NDUFAF2: variants seen among roughly 807,000 people sequenced by gnomAD.
NDUFAF2 encodes NADH:ubiquinone oxidoreductase complex assembly factor 2, also known as NADH dehydrogenase [ubiquinone] 1 alpha subcomplex assembly factor 2.
NDUFAF2 carries 13 observed loss-of-function variants against 22.8 expected under a neutral mutation model. The ratio of observed to expected loss-of-function variants is 0.57; its 90% CI spans 0.37 to 0.91. The LOEUF is 0.91. Among genes scored for constraint, NDUFAF2 ranks in the 40% least tolerant of loss-of-function variants. The probability of loss-of-function intolerance (pLI) is 0.01; values close to 1 mark genes in which losing one functional copy is unlikely to be tolerated. For missense variants in NDUFAF2, 162 were observed against 195.2 expected, an observed-to-expected ratio of 0.83 and a Z score of 1.01; for synonymous variants, 53 against 64.2, an observed-to-expected ratio of 0.83 and a Z score of 0.84.
chr5:60,948,023 A>C (rs1467239344), intron 1 of NDUFAF2, among the ~76,000 whole-genome samples: 4 of 152,080 alleles, frequency 2.6e-5, no homozygotes, highest in Non-Finnish European at 1.5e-5. Context: ...TAAAATGTAT[A>C]ATTTGGTAAG....
intron 1 of NDUFAF2, among the ~76,000 whole-genome samples, chr5:60,965,150 G>C (rs1210456458): frequency 6.6e-6 from 1 of 152,098 alleles, no homozygotes; most frequent in African/African-American, 2.4e-5. Flanking sequence ...AGATACAGAA[G>C]ACAGAAAAAT....
intron 3 of NDUFAF2, among the ~76,000 whole-genome samples, chr5:61,114,082 G>A (rs1579837977): frequency 1.3e-5 from 2 of 152,052 alleles, no homozygotes; most frequent in African/African-American, 4.8e-5. Flanking sequence ...TTGGGCTTGG[G>A]AAGTTCCTTG....
chr5:61,058,217 A>T (rs1382583700), intron 1 of NDUFAF2, among the ~76,000 whole-genome samples: 1 of 152,050 alleles, frequency 6.6e-6, no homozygotes, highest in Non-Finnish European at 1.5e-5. Context: ...CTTTTCACAT[A>T]CTATAATTTT....
Position 61,106,687 on chromosome 5 carries a change from CT to C in NDUFAF2, c.258+7656del, listed in dbSNP as rs753766676. 3.2e-3 allele frequency among the ~76,000 whole-genome samples: 479 copies of C among 151,056 alleles called. 6 individuals carry two copies. The highest frequency in any genetic ancestry group is 3.9e-3 in the Non-Finnish European group (263 of 67,938). On this transcript the variant is annotated intron_variant, in intron 3 of 3. Coordinates refer to ENST00000296597, the MANE Select transcript of NDUFAF2 (RefSeq NM_174889.5). ...TGCCCATTAACCATTCCCACCCCCC[CT>C]AACACCCAGACTACCCTTCCCAGCC... is the stretch of plus-strand genomic sequence containing the variant.
chr5:60,971,340 T>C (rs900568646), intron 1 of NDUFAF2, among the ~76,000 whole-genome samples: 1 of 151,316 alleles, frequency 6.6e-6, no homozygotes, highest in African/African-American at 2.4e-5. Flanking sequence ...CAGGCTGGAG[T>C]GCAGTGGCTG....
At chr5:61,055,407 C>T (rs1752075223) in intron 1 of NDUFAF2, among the ~76,000 whole-genome samples, 1 of 152,042 alleles carries the variant, frequency 6.6e-6, no homozygotes, top group Non-Finnish European at 1.5e-5. Flanking sequence ...GGTAAAGTAA[C>T]TCTACAGGTT....
At chr5:61,070,594 C>T (rs1273488234) in intron 1 of NDUFAF2, among the ~76,000 whole-genome samples, 2 of 92,096 alleles carry the variant, frequency 2.2e-5, no homozygotes, top group Non-Finnish European at 4.3e-5. Context: ...CCTGTCTTTG[C>T]ATACACACAC....
chr5:61,047,622 C>T (rs970100871), intron 1 of NDUFAF2, among the ~76,000 whole-genome samples: 1 of 152,098 alleles, frequency 6.6e-6, no homozygotes, highest in South Asian at 2.1e-4. Context: ...CATCCATTAT[C>T]TTCTTTCTGA....
At chr5:61,109,836 C>G (rs763370310) in intron 3 of NDUFAF2, among the ~76,000 whole-genome samples, 1 of 152,108 alleles carries the variant, frequency 6.6e-6, no homozygotes. Context: ...CCTCCCCAGC[C>G]GTGCAGAACT....
At chr5:60,989,978 G>A (rs112933561) in intron 1 of NDUFAF2, among the ~76,000 whole-genome samples, 2,402 of 152,184 alleles carry the variant, frequency 0.016, 76 homozygotes, top group African/African-American at 0.055. Context: ...CCATAAAAAA[G>A]AATGAGATCC....
intron 2 of NDUFAF2, among the ~76,000 whole-genome samples, chr5:61,086,866 C>T (rs1391139369): frequency 6.6e-6 from 1 of 152,068 alleles, no homozygotes; most frequent in Non-Finnish European, 1.5e-5. Flanking sequence ...ATTTGCCATA[C>T]ATGTCTAACA....
At chr5:61,032,623 T>C (rs1751743030) in intron 1 of NDUFAF2, among the ~76,000 whole-genome samples, 1 of 152,236 alleles carries the variant, frequency 6.6e-6, no homozygotes, top group Non-Finnish European at 1.5e-5. Context: ...TTTTGGTTAC[T>C]GTAGCCTTGT....
At chr5:61,057,280 A>G (rs73097727) in intron 1 of NDUFAF2, among the ~76,000 whole-genome samples, 1 of 152,292 alleles carries the variant, frequency 6.6e-6, no homozygotes, top group African/African-American at 2.4e-5. Context: ...GCTTTAAATC[A>G]TAGATTCACA....
intron 1 of NDUFAF2, among the ~76,000 whole-genome samples, chr5:60,984,949 GA>G (rs1379614255): frequency 2.6e-5 from 4 of 152,162 alleles, no homozygotes; most frequent in Non-Finnish European, 5.9e-5. Context: ...CTATTGATTG[GA>G]ATAGTTTCAG....
chr5:60,974,998 G>A (rs915715914), intron 1 of NDUFAF2, among the ~76,000 whole-genome samples: 4 of 151,364 alleles, frequency 2.6e-5, no homozygotes, highest in Admixed American at 2.6e-4. Flanking sequence ...TAGTAGAGAC[G>A]AGGTTTCACC....
intron 2 of NDUFAF2, among the ~76,000 whole-genome samples, chr5:61,075,495 C>T (rs2111735319): frequency 6.6e-6 from 1 of 152,222 alleles, no homozygotes; most frequent in Admixed American, 6.5e-5. Context: ...AATGCGTGCA[C>T]CTTCTTAGAA....
intron 1 of NDUFAF2, among the ~76,000 whole-genome samples, chr5:60,950,190 T>G (rs1750524902): frequency 6.6e-6 from 1 of 151,220 alleles, no homozygotes; most frequent in Non-Finnish European, 1.5e-5. Context: ...AATCTTTCAT[T>G]TTTTTTTTCC....
chr5:61,062,840 TAG>T (rs1286494432), intron 1 of NDUFAF2, among the ~76,000 whole-genome samples: 1 of 152,098 alleles, frequency 6.6e-6, no homozygotes, highest in African/African-American at 2.4e-5. Flanking sequence ...AAATCTCCAT[TAG>T]ACTGTCAGCA....
intron 1 of NDUFAF2, among the ~76,000 whole-genome samples, chr5:61,052,895 C>A (rs1752043075): frequency 6.6e-6 from 1 of 152,152 alleles, no homozygotes. Flanking sequence ...GTGGTAGAGA[C>A]CACTAGCTTC....
Sources: gnomAD v4.1 joint callset for allele counts (sites outside exome capture counted in the v4.1 genomes callset) on GRCh38, gnomAD v4.1.1 for gene constraint, MANE v1.5 for transcripts, NCBI Gene and HGNC (gene_info 2026-07-23, HGNC 2026-07-21) for gene names.